Variants in KCNK10 observed in about 807,000 individuals in gnomAD.
KCNK10 encodes the protein potassium two pore domain channel subfamily K member 10, also known as potassium channel subfamily K member 10.
Under a neutral mutation model 47.7 loss-of-function variants are expected in KCNK10, and 25 were observed. That is an observed-to-expected ratio of 0.52 (90% confidence interval 0.38 to 0.73). The LOEUF is 0.73. KCNK10 is among the 30% of genes least tolerant of loss of function. The probability of loss-of-function intolerance (pLI) is 0.00; values close to 1 mark genes in which losing one functional copy is unlikely to be tolerated. For synonymous variants in KCNK10, 303 were observed against 285.6 expected (o/e 1.06, Z -0.61); for missense variants, 563 against 714.5 (o/e 0.79, Z 2.42).
chr14:88,312,641 G>A (rs951647034), intron 1 of KCNK10, among the ~76,000 whole-genome samples: 38 of 152,206 alleles, frequency 2.5e-4, no homozygotes, highest in Admixed American at 1.3e-4. Context: ...AAGGGACTCT[G>A]TAAGAGAAGT....
At chr14:88,279,824 G>A (rs1887608642) in intron 1 of KCNK10, among the ~76,000 whole-genome samples, 1 of 152,100 alleles carries the variant, frequency 6.6e-6, no homozygotes, top group Non-Finnish European at 1.5e-5. Context: ...GAACCCAGGG[G>A]GAGGTAATTG....
intron 1 of KCNK10, among the ~76,000 whole-genome samples, chr14:88,306,582 C>G (rs899582184): frequency 6.6e-6 from 1 of 151,876 alleles, no homozygotes; most frequent in East Asian, 2.0e-4. Flanking sequence ...GGTACCACGC[C>G]TTTTCCTTCC....
chr14:88,209,488 C>A (rs1885387970), intron 4 of KCNK10, among the ~76,000 whole-genome samples: 2 of 152,262 alleles, frequency 1.3e-5, no homozygotes, highest in Admixed American at 1.3e-4. Context: ...GGGGGAGCCC[C>A]AGAGGAGCCG....
upstream of KCNK10, among the ~76,000 whole-genome samples, chr14:88,324,016 C>T (rs1461211718): frequency 6.6e-6 from 1 of 152,194 alleles, no homozygotes; most frequent in Non-Finnish European, 1.5e-5. Context: ...ACAGCTTGGT[C>T]CCTTCCCCAG....
At chr14:88,285,256 C>T (rs189856250) in intron 1 of KCNK10, among the ~76,000 whole-genome samples, 121 of 152,180 alleles carry the variant, frequency 8.0e-4, no homozygotes, top group African/African-American at 2.7e-3. Context: ...GGATTACAGG[C>T]GCGCACCACC....
chr14:88,233,963 C>G (rs1192468769), intron 3 of KCNK10, among the ~76,000 whole-genome samples: 1 of 152,164 alleles, frequency 6.6e-6, no homozygotes, highest in Non-Finnish European at 1.5e-5. Flanking sequence ...AAATGTACTT[C>G]TTGAAGTGGC....
chr14:88,248,075 A>T (rs772982042), intron 2 of KCNK10, among the ~76,000 whole-genome samples: 3 of 152,240 alleles, frequency 2.0e-5, no homozygotes, highest in African/African-American at 4.8e-5. Flanking sequence ...GCAGAATAAC[A>T]AATTTGCCAA....
In KCNK10 at chr14:88,186,759, G is replaced by T. The variant is rs1884575637; in HGVS notation, c.1012-604C>A. Among the ~76,000 whole-genome samples, 5 of 152,180 alleles carry T rather than the reference G, an allele frequency of 3.3e-5. No homozygotes were observed. In the South Asian group the frequency reaches 1.0e-3, roughly 31 times the overall value. ...ACTGGGATGGGTGGCCACCCTATCT[G>T]GGCCATGCTATGGTCATGTGCTGTG... is the stretch of plus-strand genomic sequence containing the variant. On this transcript the variant is annotated intron_variant, in intron 6 of 6. Transcript: ENST00000319231. The surrounding 1 kb of genome is among the most constrained non-coding windows in gnomAD (Gnocchi z 5.5).
upstream of KCNK10, among the ~76,000 whole-genome samples, chr14:88,323,495 C>A (rs1297860932): frequency 6.7e-6 from 1 of 149,990 alleles, no homozygotes. Flanking sequence ...GACCGAGGCT[C>A]CCAGCTGGGA....
Position 88,310,253 on chromosome 14 carries a change from TTTATC to T in KCNK10, c.52+12489_52+12493del, listed in dbSNP as rs1292849027. Reference sequence around the variant, plus strand: ...TGATATACCATATAAATGATATGCATTTATCATGGTATATCATAATTACTTGATGA... The same window carrying T: ...TGATATACCATATAAATGATATGCATATGGTATATCATAATTACTTGATGA... On this transcript the variant is annotated intron_variant, in intron 1 of 6. Coordinates refer to ENST00000319231, the MANE Select transcript of KCNK10 (RefSeq NM_138317.3). Among the ~76,000 whole-genome samples, 156 of 25,946 alleles carry T rather than the reference TTTATC, an allele frequency of 6.0e-3. 2 individuals carry two copies. Among genetic ancestry groups the T allele is most frequent in the African/African-American group, 0.031 (146 of 4,686 alleles). 17.0% of individuals were successfully genotyped at this position (25,946 alleles called of 152,430 possible). A position where few individuals can be genotyped will look rare whatever the true frequency, so the allele number is the denominator to read the frequency against.
At chr14:88,251,600 A>G (rs528000040) in intron 2 of KCNK10, among the ~76,000 whole-genome samples, 2 of 152,356 alleles carry the variant, frequency 1.3e-5, no homozygotes, top group South Asian at 2.1e-4. Flanking sequence ...TTAGTTATTG[A>G]ATTAATGAAC....
In KCNK10 at chr14:88,180,801, G is replaced by A; in HGVS notation, c.*4734C>T. On this transcript the variant is annotated 3_prime_UTR_variant, in exon 7 of 7. Transcript: ENST00000319231. ...TGGTGAAGTCCAATGAAGGTATGGT[G>A]CAGAGACAGAGGACAGGGCTTTGCT... The A allele has an allele frequency of 2.5e-6, 1 of 398,794 alleles. No individual in the cohort carries two copies. The highest frequency in any genetic ancestry group is 4.4e-6 in the Non-Finnish European group (1 of 226,078). The allele number at this position is 398,794 out of a possible 1,614,324, so 24.7% of individuals were successfully genotyped here. A position where few individuals can be genotyped will look rare whatever the true frequency, so the allele number is the denominator to read the frequency against.
chr14:88,216,479 T>G (rs893218214), intron 4 of KCNK10, among the ~76,000 whole-genome samples: 2 of 152,210 alleles, frequency 1.3e-5, no homozygotes, highest in Admixed American at 6.5e-5. Flanking sequence ...CCAGGGATGC[T>G]GCTACACATC....
chr14:88,186,243 C>T lies in KCNK10; in HGVS notation c.1012-88G>A, dbSNP rs184185688. ...CACCCACAGCCCTCGGGTGTCCCCA[C>T]GGGGAGGCCAGGAGGTGACGGAGCA... On this transcript the variant is annotated intron_variant, in intron 6 of 6. Transcript: ENST00000319231. The surrounding 1 kb of genome is among the most constrained non-coding windows in gnomAD (Gnocchi z 5.5). 222 of 1,442,126 alleles carry T rather than the reference C, an allele frequency of 1.5e-4. 2 individuals are homozygous for T. The South Asian group carries it at 2.9e-3, about 19-fold the overall frequency. 89.3% of individuals were successfully genotyped at this position (1,442,126 alleles called of 1,614,324 possible).
chr14:88,293,221 G>A lies in KCNK10; in HGVS notation c.52+29526C>T, dbSNP rs1887916215. Among the ~76,000 whole-genome samples, 7 of 152,188 alleles carry A rather than the reference G, an allele frequency of 4.6e-5. No individual in the cohort carries two copies. In the South Asian group the frequency reaches 1.2e-3, roughly 27 times the overall value. On this transcript the variant is annotated intron_variant, in intron 1 of 6. Coordinates refer to ENST00000319231, the MANE Select transcript of KCNK10 (RefSeq NM_138317.3). ...AAAAGTAAAAATAAAAACTGCTATA[G>A]CCACCCCTTCTCATTATGGATTCAT...
chr14:88,225,863 A>G (rs1885968128), intron 4 of KCNK10, among the ~76,000 whole-genome samples: 1 of 152,340 alleles, frequency 6.6e-6, no homozygotes, highest in South Asian at 2.1e-4. Context: ...AGGAAGAACT[A>G]AACATCTGAA....
intron 1 of KCNK10, among the ~76,000 whole-genome samples, chr14:88,310,507 A>C (rs1182351848): frequency 6.6e-6 from 1 of 152,074 alleles, no homozygotes; most frequent in Non-Finnish European, 1.5e-5. Context: ...TCAGCTGTGG[A>C]GAGGGACTTT....
chr14:88,310,813 C>T (rs141874463), intron 1 of KCNK10, among the ~76,000 whole-genome samples: 6 of 152,150 alleles, frequency 3.9e-5, no homozygotes, highest in East Asian at 1.9e-4. Context: ...AAAGTGACAG[C>T]GGGTATGGAG....
chr14:88,287,251 C>T (rs1566715056), intron 1 of KCNK10, among the ~76,000 whole-genome samples: 3 of 152,194 alleles, frequency 2.0e-5, no homozygotes, highest in Non-Finnish European at 2.9e-5. Context: ...TAGTGTTTGG[C>T]ATTGTTTCCT....
Sources: gnomAD v4.1 joint callset for allele counts (sites outside exome capture counted in the v4.1 genomes callset) on GRCh38, gnomAD v4.1.1 for gene constraint, Gnocchi (gnomAD v3.1) non-coding constraint, MANE v1.5 for transcripts, NCBI Gene and HGNC (gene_info 2026-07-23, HGNC 2026-07-21) for gene names.